Variants in TBC1D9B observed in about 807,000 individuals in gnomAD.
The protein encoded by TBC1D9B is TBC1 domain family member 9B.
TBC1D9B carries 87 observed loss-of-function variants against 121.1 expected under a neutral mutation model. The observed-to-expected ratio is 0.72, with a 90% CI of 0.60 to 0.86. TBC1D9B has a LOEUF of 0.86. Ranked by LOEUF, TBC1D9B falls within the 40% of genes least tolerant of loss-of-function variation. The pLI is 0.00. For synonymous variants in TBC1D9B, 668 were observed against 670.1 expected, an observed-to-expected ratio of 1.00 and a Z score of 0.05; for missense variants, 1,540 against 1,628.6, an observed-to-expected ratio of 0.95 and a Z score of 0.94.
intron 14 of TBC1D9B, 55 bp from the exon 15 acceptor site, chr5:179,871,585 A>C (rs369389061): frequency 2.5e-6 from 4 of 1,571,816 alleles, no homozygotes; most frequent in South Asian, 1.1e-5. Flanking sequence ...CTGGCACAGA[A>C]GTACGGCACT....
At chr5:179,871,340 CTG>C (rs1760191399) in intron 15 of TBC1D9B, 120 bp downstream of exon 15, 2 of 992,054 alleles carry the variant, frequency 2.0e-6, no homozygotes, top group African/African-American at 1.6e-5. Context: ...AGATCTGTTT[CTG>C]TTTTTCTATT....
chr5:179,872,950 C>G lies in TBC1D9B; in HGVS notation c.2357G>C (p.Arg786Pro). ...SLRAEDIEQM[R>P]FKQRLKVIQS... ...GATCACTTTCAGCCTCTGTTTAAAC[C>G]GCATCTGCTCAATGTCTTCGGCCCT... Residue 786 changes from arginine to proline, a missense_variant, in exon 14 of 21, where the codon CGG (arginine) becomes CCG (proline). By Grantham distance (103) the Arg-to-Pro change is moderately radical. Transcript: ENST00000355235. 1 of 1,613,630 alleles carries G rather than the reference C, an allele frequency of 6.2e-7. No individual in the cohort carries two copies. The highest frequency in any genetic ancestry group is 8.5e-7 in the Non-Finnish European group (1 of 1,179,838).
chr5:179,870,173 G>A (rs1467711620), intron 16 of TBC1D9B, 82 bp downstream of exon 16: 10 of 1,575,828 alleles, frequency 6.3e-6, no homozygotes, highest in African/African-American at 4.0e-5. Flanking sequence ...AGGGGGAACA[G>A]ACAGGAGATG....
chr5:179,895,443 C>T (rs1433417544), intron 3 of TBC1D9B, among the ~76,000 whole-genome samples: 2 of 152,160 alleles, frequency 1.3e-5, no homozygotes, highest in Admixed American at 6.5e-5. Flanking sequence ...TGGAGGACGT[C>T]CTGCACTTGG....
At chr5:179,903,420 G>C (rs774813886) in intron 2 of TBC1D9B, among the ~76,000 whole-genome samples, 11 of 152,192 alleles carry the variant, frequency 7.2e-5, no homozygotes, top group Non-Finnish European at 1.6e-4. Context: ...GGACGGGTGA[G>C]TGCGCTTCCA....
intron 10 of TBC1D9B, 113 bp downstream of exon 10, chr5:179,878,196 T>G: frequency 1.9e-6 from 2 of 1,075,196 alleles, no homozygotes; most frequent in Non-Finnish European, 2.6e-6. Context: ...TCTGCTGGGC[T>G]CCTTCCTTGG....
intron 3 of TBC1D9B, among the ~76,000 whole-genome samples, chr5:179,897,646 T>C (rs1231532970): frequency 6.6e-6 from 1 of 152,232 alleles, no homozygotes; most frequent in Non-Finnish European, 1.5e-5. Context: ...TATTTTCTAA[T>C]TTCCATTTCT....
At position 179,885,712 on chromosome 5, in the gene TBC1D9B, T is replaced by C. The variant is rs7719866; in HGVS notation, c.1254+2391A>G. Among the ~76,000 whole-genome samples the C allele has an allele frequency of 6.6e-6, 1 of 152,224 alleles. No individual in the cohort carries two copies. Among genetic ancestry groups the C allele is most frequent in the African/African-American group, 2.4e-5 (1 of 41,450 alleles). On this transcript the variant is annotated intron_variant, in intron 7 of 20. Transcript: ENST00000355235. The surrounding 1 kb of genome is among the most constrained non-coding windows in gnomAD (Gnocchi z 4.5). ...CCATTGGCACCCGCTGGATTTCCAGTGCTCCATGGCCACACGTGGCTGCTG... is the reference window on the plus strand; with the variant it reads ...CCATTGGCACCCGCTGGATTTCCAGCGCTCCATGGCCACACGTGGCTGCTG...
chr5:179,881,119 G>A (rs533165434), intron 7 of TBC1D9B, among the ~76,000 whole-genome samples: 3 of 152,262 alleles, frequency 2.0e-5, no homozygotes. Context: ...CTGGCGAGGC[G>A]GCAAGCGTGG....
Position 179,870,691 on chromosome 5 carries a change from G to A in TBC1D9B, c.2485-196C>T, listed in dbSNP as rs1760166722. 7 of 845,916 alleles carry A rather than the reference G, an allele frequency of 8.3e-6. No homozygotes were observed. The South Asian group carries it at 1.1e-4, about 14-fold the overall frequency. The allele number at this position is 845,916 out of a possible 1,614,324, so 52.4% of individuals were successfully genotyped here. Reference sequence around the variant, plus strand: ...AGCCCCTTGTTAACAGATGGGGAGGGGGTTGGCTGAGAGACAGAGTCCTTG... The same window carrying A: ...AGCCCCTTGTTAACAGATGGGGAGGAGGTTGGCTGAGAGACAGAGTCCTTG... On this transcript the variant is annotated intron_variant, in intron 15 of 20. Transcript: ENST00000355235.
rs1760837221 is a variant in TBC1D9B, at chr5:179,890,651, C to T, written c.1044+728G>A. On this transcript the variant is annotated intron_variant, in intron 6 of 20. Transcript: ENST00000355235. This position sits in a 1 kb window ranked among gnomAD's most constrained non-coding sequence, Gnocchi z 5.0. The stretch of plus-strand genomic sequence containing the variant: ...AGGGAGGTCTTTAAGTTAAGAATCT[C>T]ACTTGATTCTTCTTATAATTAAACA... Among the ~76,000 whole-genome samples the T allele has an allele frequency of 6.6e-6, 1 of 152,198 alleles. No individual in the cohort carries two copies. The highest frequency in any genetic ancestry group is 2.4e-5 in the African/African-American group (1 of 41,442).
intron 3 of TBC1D9B, among the ~76,000 whole-genome samples, 194 bp downstream of exon 3, chr5:179,898,995 A>G (rs1761090378): frequency 6.6e-6 from 1 of 152,182 alleles, no homozygotes; most frequent in African/African-American, 2.4e-5. Flanking sequence ...GTGCCCACCC[A>G]GGGTAAGAAG....
chr5:179,878,711 A>T (rs560328662), intron 9 of TBC1D9B, among the ~76,000 whole-genome samples, 188 bp from the exon 10 acceptor site: 7 of 152,272 alleles, frequency 4.6e-5, no homozygotes, highest in Admixed American at 4.6e-4. Flanking sequence ...CAAGTGGCTG[A>T]CTTGCCTCTT....
At chr5:179,872,340 G>GCAGT (rs1213630605) in intron 14 of TBC1D9B, 1 of 158,236 alleles carries the variant, frequency 6.3e-6, no homozygotes, top group Non-Finnish European at 1.4e-5. Context: ...ATTGGCCAAA[G>GCAGT]CAGTCAGTCT....
intron 18 of TBC1D9B, chr5:179,866,201 GAC>G: frequency 3.1e-6 from 1 of 325,112 alleles, no homozygotes; most frequent in South Asian, 3.2e-5. Context: ...GAGGGCTATA[GAC>G]CAGTCTGAGG....
chr5:179,906,506 G>T (rs1048252470), intron 1 of TBC1D9B, among the ~76,000 whole-genome samples: 3 of 151,106 alleles, frequency 2.0e-5, no homozygotes, highest in Non-Finnish European at 4.4e-5. Flanking sequence ...CTGGCGCGCT[G>T]ATGACACCCT....
At chr5:179,903,859 A>C (rs1761228646) in intron 2 of TBC1D9B, among the ~76,000 whole-genome samples, 1 of 152,282 alleles carries the variant, frequency 6.6e-6, no homozygotes, top group Non-Finnish European at 1.5e-5. Flanking sequence ...TGAACAGGAC[A>C]CGTGAGTGCA....
intron 1 of TBC1D9B, among the ~76,000 whole-genome samples, chr5:179,906,547 C>T (rs1176393746): frequency 6.6e-6 from 1 of 152,200 alleles, no homozygotes; most frequent in Non-Finnish European, 1.5e-5. Context: ...GGTGCCGGTC[C>T]CTCGCTTTCT....
In TBC1D9B at chr5:179,891,296, G is replaced by A. The variant is rs1760853263; in HGVS notation, c.1044+83C>T. On this transcript the variant is annotated intron_variant, in intron 6 of 20. Transcript: ENST00000355235. This position sits in a 1 kb window ranked among gnomAD's most constrained non-coding sequence, Gnocchi z 4.3. ...CCCAGGTACCCCCCAGTGAGACAGGGCAGAGCAGGACAGGCTGGTCCCTGA... is the reference window on the plus strand; with the variant it reads ...CCCAGGTACCCCCCAGTGAGACAGGACAGAGCAGGACAGGCTGGTCCCTGA... The A allele has an allele frequency of 1.3e-6, 2 of 1,512,390 alleles. No individual in the cohort carries two copies. The highest frequency in any genetic ancestry group is 2.3e-5 in the South Asian group (2 of 85,678). The allele number at this position is 1,512,390 out of a possible 1,614,324, so 93.7% of individuals were successfully genotyped here.
Sources: allele counts gnomAD v4.1 joint callset (sites outside exome capture counted in the v4.1 genomes callset), GRCh38; gene constraint gnomAD v4.1.1; non-coding constraint Gnocchi (gnomAD v3.1); transcripts MANE v1.5; gene names NCBI Gene and HGNC (gene_info 2026-07-23, HGNC 2026-07-21).